The following RYR1 variants were observed in gnomAD, a reference collection of about 807,000 sequenced individuals.
The protein encoded by RYR1 is ryanodine receptor 1.
RYR1 carries 342 observed loss-of-function variants against 583.5 expected under a neutral mutation model. That is an observed-to-expected ratio of 0.59 (90% CI 0.54 to 0.64). The LOEUF (loss-of-function observed/expected upper bound fraction) is 0.64, where lower values mean the gene tolerates loss of function less well. Among genes scored for constraint, RYR1 ranks in the 30% least tolerant of loss-of-function variants. The pLI is 0.00. For synonymous variants in RYR1, 2,791 were observed against 2,822.5 expected, an observed-to-expected ratio of 0.99 and a Z score of 0.35; for missense variants, 6,032 against 6,917.2, an observed-to-expected ratio of 0.87 and a Z score of 4.54.
intron 1 of RYR1, among the ~76,000 whole-genome samples, chr19:38,439,283 T>C (rs1346373962): frequency 6.6e-6 from 1 of 151,814 alleles, no homozygotes; most frequent in African/African-American, 2.4e-5. Flanking sequence ...GGTAGCAACC[T>C]CCACCTCCCA....
intron 25 of RYR1, among the ~76,000 whole-genome samples, chr19:38,468,327 A>ACCAT (rs1291061515): frequency 1.3e-4 from 20 of 148,920 alleles, no homozygotes; most frequent in African/African-American, 4.7e-4. Flanking sequence ...CATCCAACCA[A>ACCAT]CCATCCATCC....
intron 37 of RYR1, among the ~76,000 whole-genome samples, chr19:38,491,592 CTAATTTTT>C (rs1969553477): frequency 6.6e-6 from 1 of 152,040 alleles, no homozygotes; most frequent in African/African-American, 2.4e-5. Flanking sequence ...CCACGCCTGG[CTAATTTTT>C]TAATTTTTTT....
At chr19:38,462,976 A>C (rs1457839233) in intron 20 of RYR1, among the ~76,000 whole-genome samples, 1 of 136,494 alleles carries the variant, frequency 7.3e-6, no homozygotes, top group Admixed American at 8.8e-5. Context: ...GGCTCACTGC[A>C]ACCTCTGCCT....
intron 31 of RYR1, among the ~76,000 whole-genome samples, chr19:38,481,324 G>C (rs1030355638): frequency 6.6e-6 from 1 of 151,912 alleles, no homozygotes; most frequent in African/African-American, 2.4e-5. Flanking sequence ...ACGGTGTTTT[G>C]CCATGTTGCC....
At chr19:38,529,799 G>A (rs994154193) in intron 76 of RYR1, among the ~76,000 whole-genome samples, 119 of 152,188 alleles carry the variant, frequency 7.8e-4, no homozygotes, top group African/African-American at 2.8e-3. Context: ...AGCTGCTGCC[G>A]CTGCTGCTGA....
chr19:38,490,597 T>A lies in RYR1; in HGVS notation c.6016-24T>A, dbSNP rs540843142. On this transcript the variant is annotated intron_variant, in intron 36 of 105. Coordinates refer to ENST00000359596, the MANE Select transcript of RYR1 (RefSeq NM_000540.3). ...CCTGCTTTGGGATCTCAGACCCTCA[T>A]TCTAATCTTTGACCTTCCCCTAGAT... 52 of 1,468,456 alleles carry A rather than the reference T, an allele frequency of 3.5e-5. 2 individuals are homozygous for A. In the South Asian group the frequency reaches 5.8e-4, roughly 16 times the overall value. 91.0% of individuals were successfully genotyped at this position (1,468,456 alleles called of 1,614,324 possible).
Position 38,505,154 on chromosome 19 carries a change from A to G in RYR1, c.8310+73A>G. 7.1e-6 allele frequency: 10 copies of G among 1,406,262 alleles called. No homozygotes were observed. In the Admixed American group the frequency reaches 8.5e-5, roughly 12 times the overall value. The allele number at this position is 1,406,262 out of a possible 1,614,324, so 87.1% of individuals were successfully genotyped here. ...TTCCCCCCGACCTGGTTCTTCCCTG[A>G]GGCCCCAGATCTCCCTGAGACCCCC... On this transcript the variant is annotated intron_variant, in intron 52 of 105. Transcript: ENST00000359596.
At position 38,451,806 on chromosome 19, in the gene RYR1, C is replaced by T. The variant is rs148587119; in HGVS notation, c.1165C>T (p.Leu389=). The part of the protein sequence containing the change: ...QEGHMDDALS[L]TRCQQEESQA... The stretch of plus-strand genomic sequence containing the variant: ...GGGCCACATGGACGACGCACTGTCG[C>T]TGACCCGCTGCCAGCAGGAGGAGTC... The change falls in exon 12 of 106, where the codon CTG becomes TTG. Residue 389 remains leucine (L), a synonymous_variant. Coordinates refer to ENST00000359596, the MANE Select transcript of RYR1 (RefSeq NM_000540.3). 1 of 1,614,150 alleles carries T rather than the reference C, an allele frequency of 6.2e-7. No homozygotes were observed. The highest frequency in any genetic ancestry group is 1.3e-5 in the African/African-American group (1 of 75,044).
chr19:38,509,447 A>ATT (rs1439875376), intron 58 of RYR1, among the ~76,000 whole-genome samples: 27 of 120,978 alleles, frequency 2.2e-4, no homozygotes, highest in South Asian at 2.7e-4. Flanking sequence ...TATTATTATT[A>ATT]TTATTTTTTT....
chr19:38,532,836 G>A, intron 78 of RYR1, 100 bp downstream of exon 78: 7 of 1,238,910 alleles, frequency 5.7e-6, no homozygotes, highest in Non-Finnish European at 8.2e-6. Flanking sequence ...AAGCTCTGGG[G>A]ACACAGCAGT....
At chr19:38,562,672 C>T (rs1018881130) in intron 90 of RYR1, among the ~76,000 whole-genome samples, 2 of 152,098 alleles carry the variant, frequency 1.3e-5, no homozygotes, top group Non-Finnish European at 2.9e-5. Context: ...TTCATGCCTG[C>T]CTCACGCACA....
In RYR1 at chr19:38,501,040, C is replaced by T. The variant is rs930641863; in HGVS notation, c.7614+50C>T. On this transcript the variant is annotated intron_variant, in intron 47 of 105. Transcript: ENST00000359596. The stretch of plus-strand genomic sequence containing the variant: ...CACCCTCCCCACTTCCACAGAGGGA[C>T]AGGAGATGGGTCACGGTAGAGCAGC... 3.8e-6 allele frequency: 6 copies of T among 1,584,822 alleles called. No individual in the cohort carries two copies. In the African/African-American group the frequency reaches 6.7e-5, roughly 18 times the overall value.
intron 102 of RYR1, among the ~76,000 whole-genome samples, chr19:38,585,376 A>G (rs1974431115): frequency 6.8e-6 from 1 of 147,288 alleles, no homozygotes. Flanking sequence ...TGAGATATAT[A>G]TATATATATA....
intron 29 of RYR1, 44 bp from the exon 30 acceptor site, chr19:38,477,666 C>G (rs775293682): frequency 6.2e-7 from 1 of 1,613,874 alleles, no homozygotes; most frequent in Admixed American, 1.7e-5. Flanking sequence ...GCCCGAGTCC[C>G]TGACTTCCAG....
intron 2 of RYR1, 129 bp from the exon 3 acceptor site, chr19:38,442,220 G>A: frequency 1.4e-6 from 1 of 702,338 alleles, no homozygotes; most frequent in Non-Finnish European, 2.6e-6. Flanking sequence ...GGGCCTTCCT[G>A]TGGGGTGGGG....
chr19:38,504,715 A>G, intron 50 of RYR1, 33 bp from the exon 51 acceptor site: 1 of 1,612,430 alleles, frequency 6.2e-7, no homozygotes, highest in Non-Finnish European at 8.5e-7. Context: ...GCTTATAGCG[A>G]CCTCCTACCC....
intron 67 of RYR1, among the ~76,000 whole-genome samples, chr19:38,520,417 G>A (rs1333115359): frequency 2.0e-5 from 3 of 150,242 alleles, no homozygotes; most frequent in East Asian, 4.0e-4. Flanking sequence ...CATATAGGCC[G>A]GGTGTGGTGG....
At position 38,537,938 on chromosome 19, in the gene RYR1, G is replaced by C. The variant is rs1245124748; in HGVS notation, c.11667G>C (p.Leu3889Phe). 10 of 1,613,690 alleles carry C rather than the reference G, an allele frequency of 6.2e-6. No homozygotes were observed. Among genetic ancestry groups the C allele is most frequent in the Non-Finnish European group, 8.5e-6 (10 of 1,179,878 alleles). The change falls in exon 84 of 106, where the codon TTG becomes TTC. Residue 3889 changes from leucine to phenylalanine, a missense_variant. Around this residue, in one of 11 missense-constraint regions of RYR1, gnomAD observed 1,493 missense variants for 1,715.5 expected, o/e 0.87. Transcript: ENST00000359596. ...AAGACCTGTTCCGATTCCTACAATT[G>C]CTCTGTGAGGGGCACAATAATGGTG... ...FTQDLFRFLQ[L>F]LCEGHNNDFQ... is the part of the protein sequence containing the mutation.
chr19:38,536,905 G>A (rs1168209180), intron 83 of RYR1, 138 bp downstream of exon 83: 1 of 855,214 alleles, frequency 1.2e-6, no homozygotes, highest in African/African-American at 1.7e-5. Context: ...CCCTGCCAGT[G>A]CAAAACCTGG....
Sources: allele counts gnomAD v4.1 joint callset (sites outside exome capture counted in the v4.1 genomes callset), GRCh38; gene constraint gnomAD v4.1.1; regional missense constraint gnomAD v4.1.1; transcripts MANE v1.5; gene names NCBI Gene and HGNC (gene_info 2026-07-23, HGNC 2026-07-21).